SLC5A9: variants seen among roughly 807,000 people sequenced by gnomAD.
The protein encoded by SLC5A9 is sodium/glucose cotransporter 4.
A neutral mutation model predicts 70.9 loss-of-function variants in SLC5A9; 59 were observed. That is an observed-to-expected ratio of 0.83 (90% confidence interval 0.68 to 1.03). SLC5A9 has a LOEUF of 1.03. Ranked by LOEUF, SLC5A9 falls within the 50% of genes least tolerant of loss-of-function variation. SLC5A9 has a pLI of 0.00. For missense variants in SLC5A9, 832 were observed against 881.1 expected (o/e 0.94, Z 0.71); for synonymous variants, 340 against 346.5 (o/e 0.98, Z 0.21).
chr1:48,237,005 T>C (rs987259202), intron 10 of SLC5A9, among the ~76,000 whole-genome samples: 1 of 152,166 alleles, frequency 6.6e-6, no homozygotes, highest in Non-Finnish European at 1.5e-5. Flanking sequence ...ATGAACTGGT[T>C]TTGCTACCAT....
Position 48,247,494 on chromosome 1 carries a change from C to T in SLC5A9, c.1997C>T (p.Ala666Val). The T allele has an allele frequency of 6.2e-7, 1 of 1,614,206 alleles. No homozygotes were observed. The highest frequency in any genetic ancestry group is 1.3e-5 in the African/African-American group (1 of 75,048). Residue 666 changes from alanine to valine, a missense_variant, in exon 14 of 14, where the codon GCT becomes GTT. Physicochemically the swap from Ala to Val is moderately conservative, Grantham distance 64 (BLOSUM62 0). Coordinates refer to ENST00000438567, the MANE Select transcript of SLC5A9 (RefSeq NM_001011547.3). ...TGGAGACATGTCTGCAACATCAATG[C>T]TGTCCTTTTGCTGGCCATCAACATC... ...PLWRHVCNIN[A>V]VLLLAINIFL... is the part of the protein sequence containing the mutation.
In SLC5A9 at chr1:48,247,450, C is replaced by T; in HGVS notation, c.1953C>T (p.Ser651=). ...EKAALEQKLT[S]IEEEPLWRHV... ...CTGCGCTAGAACAGAAGCTGACAAGCATTGAGGAGGAGCCACTCTGGAGAC... is the reference window on the plus strand; with the variant it reads ...CTGCGCTAGAACAGAAGCTGACAAGTATTGAGGAGGAGCCACTCTGGAGAC... The change falls in exon 14 of 14, where the codon AGC becomes AGT. Residue 651 remains serine, a synonymous_variant. Transcript: ENST00000438567. The T allele has an allele frequency of 6.2e-7, 1 of 1,614,186 alleles. No individual in the cohort carries two copies. The highest frequency in any genetic ancestry group is 8.5e-7 in the Non-Finnish European group (1 of 1,180,036).
chr1:48,236,103 C>T (rs1644323558), intron 10 of SLC5A9, among the ~76,000 whole-genome samples: 1 of 152,158 alleles, frequency 6.6e-6, no homozygotes, highest in Non-Finnish European at 1.5e-5. Flanking sequence ...GTAACTTTAT[C>T]TTGAAATTGA....
chr1:48,224,472 C>G (rs1006198685), intron 1 of SLC5A9, among the ~76,000 whole-genome samples: 2 of 152,200 alleles, frequency 1.3e-5, no homozygotes, highest in African/African-American at 4.8e-5. Flanking sequence ...ACACACGTGA[C>G]ATCCGTTACC....
At chr1:48,238,580 A>G (rs186284794) in intron 11 of SLC5A9, 6 of 152,378 alleles carry the variant, frequency 3.9e-5, no homozygotes, top group African/African-American at 1.4e-4. Context: ...AAATAATGTG[A>G]GAGCTCAAGG....
chr1:48,223,800 G>A (rs1193392126), intron 1 of SLC5A9, among the ~76,000 whole-genome samples: 2 of 152,130 alleles, frequency 1.3e-5, no homozygotes, highest in African/African-American at 4.8e-5. Context: ...GCTAACAGAT[G>A]GTCACTGGCT....
Position 48,231,870 on chromosome 1 carries a change from T to A in SLC5A9, c.692-76T>A, listed in dbSNP as rs74077907. On this transcript the variant is annotated intron_variant, in intron 6 of 13. Transcript: ENST00000438567. ...GCCAGTTCCAACCTGAGGGCCCACATGAGGCTGGGGCTGGGCTTGCTGAGT... is the reference window on the plus strand; with the variant it reads ...GCCAGTTCCAACCTGAGGGCCCACAAGAGGCTGGGGCTGGGCTTGCTGAGT... The A allele has an allele frequency of 1.8e-3, 2,874 of 1,593,168 alleles. 48 individuals carry two copies. The African/African-American group carries it at 0.035, about 19-fold the overall frequency.
In SLC5A9 at chr1:48,247,596, AGC is replaced by A. The variant is rs1644474660; in HGVS notation, c.*54_*55del. 8.3e-6 allele frequency: 13 copies of A among 1,561,544 alleles called. 1 individual carries two copies. In the South Asian group the frequency reaches 1.4e-4, roughly 17 times the overall value. The stretch of plus-strand genomic sequence containing the variant: ...AGATTAAACAAAGCCCAAGCCTGTC[AGC>A]CACAGAAACAGGCTCTCCTCTTACT... On this transcript the variant is annotated 3_prime_UTR_variant, in exon 14 of 14. Coordinates refer to ENST00000438567, the MANE Select transcript of SLC5A9 (RefSeq NM_001011547.3).
intron 13 of SLC5A9, among the ~76,000 whole-genome samples, chr1:48,246,417 C>T (rs965061676): frequency 6.6e-6 from 1 of 152,164 alleles, no homozygotes; most frequent in Non-Finnish European, 1.5e-5. Flanking sequence ...CTACCACATT[C>T]TAAACCCATT....
At position 48,226,315 on chromosome 1, in the gene SLC5A9, T is replaced by G. The variant is rs568371883; in HGVS notation, c.234+1520T>G. On this transcript the variant is annotated intron_variant, in intron 2 of 13. Coordinates refer to ENST00000438567, the MANE Select transcript of SLC5A9 (RefSeq NM_001011547.3). ...GGAGAAGCCCAGGGGCCCTGCTGAT[T>G]GTCTGGTCAACCCACAGAGAGCCGA... Among the ~76,000 whole-genome samples, 12 of 152,198 alleles carry G rather than the reference T, an allele frequency of 7.9e-5. No individual in the cohort carries two copies. The East Asian group carries it at 2.3e-3, about 29-fold the overall frequency.
In SLC5A9 at chr1:48,231,992, G is replaced by C. The variant is rs756848541; in HGVS notation, c.738G>C (p.Arg246Ser). The C allele has an allele frequency of 2.5e-6, 4 of 1,614,148 alleles. No homozygotes were observed. Among genetic ancestry groups the C allele is most frequent in the African/African-American group, 1.3e-5 (1 of 75,034 alleles). The change falls in exon 7 of 14, where the codon AGG becomes AGC. Residue 246 changes from arginine (R) to serine (S), a missense_variant. Physicochemically the swap from Arg to Ser is moderately radical, Grantham distance 110. Coordinates refer to ENST00000438567, the MANE Select transcript of SLC5A9 (RefSeq NM_001011547.3). ...GWYPGLEQRY[R>S]QAIPNVTVPN... ...ACCCAGGCCTGGAGCAGCGGTACAG[G>C]CAGGCCATCCCTAATGTCACAGTCC...
At position 48,242,549 on chromosome 1, in the gene SLC5A9, A is replaced by G. The variant is rs762386672; in HGVS notation, c.1770A>G (p.Pro590=). The G allele has an allele frequency of 6.2e-7, 1 of 1,613,808 alleles. No individual in the cohort carries two copies. The highest frequency in any genetic ancestry group is 8.5e-7 in the Non-Finnish European group (1 of 1,179,796). Residue 590 remains proline (P), a synonymous_variant, in exon 13 of 14, where the codon CCA becomes CCG. Coordinates refer to ENST00000438567, the MANE Select transcript of SLC5A9 (RefSeq NM_001011547.3). ...HESTPEISER[P]AGECPAGGGA... ...GCACACCGGAGATATCCGAGAGGCC[A>G]GCCGGGGAGTGCCCTGCAGGAGGTG...
chr1:48,229,355 GTGGTCACAA>G lies in SLC5A9; in HGVS notation c.403_411del (p.Val135_Met137del), dbSNP rs1557470012. 6.2e-7 allele frequency: 1 copy of G among 1,614,202 alleles called. No individual in the cohort carries two copies. The highest frequency in any genetic ancestry group is 2.2e-5 in the East Asian group (1 of 44,868). ...CGTCCCTGTGTACATCGCAGCAGGT[GTGGTCACAA>G]TGCCGCAGTATCTGAAGAAGCGATT... On this transcript the variant is annotated inframe_deletion, in exon 4 of 14. Coordinates refer to ENST00000438567, the MANE Select transcript of SLC5A9 (RefSeq NM_001011547.3).
chr1:48,227,476 T>A (rs551121117), intron 2 of SLC5A9, among the ~76,000 whole-genome samples: 4 of 144,988 alleles, frequency 2.8e-5, no homozygotes, highest in African/African-American at 1.0e-4. Flanking sequence ...ACTGTGCCTG[T>A]GTGGGCGTGA....
chr1:48,240,911 G>A (rs945372327), intron 12 of SLC5A9, among the ~76,000 whole-genome samples: 2 of 152,150 alleles, frequency 1.3e-5, no homozygotes, highest in African/African-American at 4.8e-5. Flanking sequence ...ACATCTTATT[G>A]CTAAAATCAA....
chr1:48,234,071 A>G (rs1004428355), intron 9 of SLC5A9, among the ~76,000 whole-genome samples: 1 of 152,204 alleles, frequency 6.6e-6, no homozygotes, highest in African/African-American at 2.4e-5. Flanking sequence ...AGTATGGGCT[A>G]AGGGAGCCCT....
At chr1:48,227,498 TGTCA>T (rs554498935) in intron 2 of SLC5A9, among the ~76,000 whole-genome samples, 33 of 147,184 alleles carry the variant, frequency 2.2e-4, no homozygotes, top group Admixed American at 5.4e-4. Flanking sequence ...TGCATGTGTG[TGTCA>T]GAGTGTGTGT....
rs1557478002 is a variant in SLC5A9 at position 48,235,888 on chromosome 1, GC to G, written c.1292+13del. ...CTGATGGTGGTGGGCAGGTGCGCCG[GC>G]CCCTCCTTCCCTCCTTCCGAAGTGC... is the stretch of plus-strand genomic sequence containing the variant. On this transcript the variant is annotated intron_variant, in intron 10 of 13. Transcript: ENST00000438567. The G allele has an allele frequency of 6.2e-7, 1 of 1,614,042 alleles. No homozygotes were observed. Among genetic ancestry groups the G allele is most frequent in the Non-Finnish European group, 8.5e-7 (1 of 1,179,976 alleles).
chr1:48,239,671 A>G lies in SLC5A9; in HGVS notation c.1677+134A>G, dbSNP rs557478581. ...CCACACAGATGTCCTTGGGAGGGAA[A>G]GTGCCTTGGGCTATGAATTCCCCAT... On this transcript the variant is annotated intron_variant, in intron 12 of 13. Coordinates refer to ENST00000438567, the MANE Select transcript of SLC5A9 (RefSeq NM_001011547.3). The surrounding 1 kb of genome is among the most constrained non-coding windows in gnomAD (Gnocchi z 4.2). The G allele has an allele frequency of 7.9e-5, 65 of 819,946 alleles. No individual in the cohort carries two copies. The South Asian group carries it at 1.0e-3, about 13-fold the overall frequency. 50.8% of individuals were successfully genotyped at this position (819,946 alleles called of 1,614,324 possible).
Sources: gnomAD v4.1 joint callset for allele counts (sites outside exome capture counted in the v4.1 genomes callset) on GRCh38, gnomAD v4.1.1 for gene constraint, Gnocchi (gnomAD v3.1) non-coding constraint, MANE v1.5 for transcripts, NCBI Gene and HGNC (gene_info 2026-07-23, HGNC 2026-07-21) for gene names.